LHB: variants seen among roughly 807,000 people sequenced by gnomAD.
LHB encodes luteinizing hormone subunit beta, also known as lutropin subunit beta.
LHB carries 11 observed loss-of-function variants against 10.6 expected under a neutral mutation model. The ratio of observed to expected loss-of-function variants is 1.04; its 90% confidence interval spans 0.66 to 1.72. The LOEUF (loss-of-function observed/expected upper bound fraction) is 1.72, where lower values mean the gene tolerates loss of function less well. LHB is among the 40% of genes most tolerant of loss of function. The pLI, the probability that LHB is intolerant of heterozygous loss-of-function variation, is 0.00. For missense variants in LHB, 184 were observed against 197.3 expected, an observed-to-expected ratio of 0.93 and a Z score of 0.41; for synonymous variants, 86 against 83.1, an observed-to-expected ratio of 1.03 and a Z score of -0.19.
chr19:49,018,187 G>C (rs938156258), upstream of LHB: 2 of 433,722 alleles, frequency 4.6e-6, no homozygotes, highest in Middle Eastern at 6.0e-4. Context: ...AGGTCACCGG[G>C]CTGACGCGCG....
upstream of LHB, chr19:49,019,358 A>C: frequency 8.2e-7 from 1 of 1,218,298 alleles, no homozygotes; most frequent in Non-Finnish European, 1.0e-6. Flanking sequence ...CAGCAACTCC[A>C]AGTTACCTCT....
At chr19:49,017,123 C>T (rs201927697), upstream of LHB, 22 of 1,613,872 alleles carry the variant, frequency 1.4e-5, no homozygotes, top group South Asian at 8.8e-5. Flanking sequence ...CTATATACCT[C>T]GGGGTTGTGG....
upstream of LHB, chr19:49,017,094 C>G (rs777577837): frequency 6.2e-7 from 1 of 1,613,952 alleles, no homozygotes; most frequent in Non-Finnish European, 8.5e-7. Flanking sequence ...TTGGTGCATC[C>G]CCTGCCTCGT....
upstream of LHB, chr19:49,017,225 G>C: frequency 7.0e-7 from 1 of 1,421,856 alleles, no homozygotes; most frequent in South Asian, 1.2e-5. Context: ...CCAGGGAGGC[G>C]CAGGAGTGGC....
At chr19:49,017,839 C>G, upstream of LHB, 1 of 398,514 alleles carries the variant, frequency 2.5e-6, no homozygotes, top group Non-Finnish European at 4.4e-6. Flanking sequence ...CCCGCCCCCA[C>G]GTTGCCAATA....
At chr19:49,016,971 G>A in intron 1 of LHB, 96 bp downstream of exon 1, 3 of 1,611,214 alleles carry the variant, frequency 1.9e-6, no homozygotes, top group Non-Finnish European at 2.5e-6. Flanking sequence ...CCTCCAGAAA[G>A]AGGCCTCCTT....
chr19:49,018,859 A>G (rs1164409743), upstream of LHB: 10 of 1,529,958 alleles, frequency 6.5e-6, no homozygotes, highest in Middle Eastern at 2.2e-4. Context: ...GTGCCGAGCG[A>G]GAGCCCGGCT....
chr19:49,018,303 T>A, upstream of LHB: 1 of 1,202,196 alleles, frequency 8.3e-7, no homozygotes, highest in African/African-American at 1.6e-5. Flanking sequence ...CTCCAGTAGG[T>A]CAGGGAGTCC....
chr19:49,018,854 G>C (rs2039596585), upstream of LHB: 1 of 1,526,742 alleles, frequency 6.5e-7, no homozygotes. Context: ...AGGCGGTGCC[G>C]AGCGAGAGCC....
At chr19:49,017,237 CAGCAG>C (rs1387790577), upstream of LHB, among the ~76,000 whole-genome samples, 1 of 152,066 alleles carries the variant, frequency 6.6e-6, no homozygotes, top group Non-Finnish European at 1.5e-5. Context: ...AGGAGTGGCT[CAGCAG>C]AGCGCCCCAG....
chr19:49,017,033 AGGTGGAAGGT>A, intron 1 of LHB, 24 bp downstream of exon 1: 1 of 1,613,422 alleles, frequency 6.2e-7, no homozygotes, highest in Non-Finnish European at 8.5e-7. Context: ...GCCTGGAAGG[AGGTGGAAGGT>A]GCCCAGGGGC....
intron 2 of LHB, 24 bp downstream of exon 2, chr19:49,016,523 T>C (rs567442239): frequency 4.3e-5 from 67 of 1,542,422 alleles, no homozygotes; most frequent in Admixed American, 9.5e-5. Context: ...TGGCAGCATC[T>C]GCCCCTGGCC....
chr19:49,016,871 C>A, intron 1 of LHB, 157 bp from the exon 2 acceptor site: 1 of 1,574,810 alleles, frequency 6.3e-7, no homozygotes, highest in Non-Finnish European at 8.6e-7. Flanking sequence ...TCAGAGCCCA[C>A]CCCACAGCCC....
At chr19:49,018,742 G>T (rs116271072), upstream of LHB, 1,093 of 780,700 alleles carry the variant, frequency 1.4e-3, 8 homozygotes, top group African/African-American at 0.017. Context: ...CCTGAACTTT[G>T]GTTCTTGCTG....
upstream of LHB, chr19:49,019,194 C>T: frequency 2.8e-6 from 4 of 1,405,588 alleles, no homozygotes; most frequent in South Asian, 6.3e-5. Flanking sequence ...TTCTCATACC[C>T]GAACCCTTCC....
At chr19:49,019,095 C>T, upstream of LHB, 1 of 1,444,064 alleles carries the variant, frequency 6.9e-7, no homozygotes, top group Non-Finnish European at 9.1e-7. Flanking sequence ...TCTCCTTCGG[C>T]CTCGACAGCC....
chr19:49,019,014 G>C, upstream of LHB: 1 of 1,529,464 alleles, frequency 6.5e-7, no homozygotes, highest in Admixed American at 2.0e-5. Context: ...AGCAAGATTG[G>C]GGGAGGAGGC....
At position 49,016,173 on chromosome 19, in the gene LHB, G is replaced by C. The variant is rs1187747882; in HGVS notation, c.321C>G (p.Ser107Arg). 1 of 1,612,564 alleles carries C rather than the reference G, an allele frequency of 6.2e-7. No individual in the cohort carries two copies. The highest frequency in any genetic ancestry group is 8.5e-7 in the Non-Finnish European group (1 of 1,179,990). Residue 107 changes from serine to arginine, a missense_variant, in exon 3 of 3, where the codon AGC (serine) becomes AGG (arginine). By Grantham distance (110) the Ser-to-Arg change is moderately radical. Coordinates refer to ENST00000649238, the MANE Select transcript of LHB (RefSeq NM_000894.3). ...DPVVSFPVAL[S>R]CRCGPCRRST... is the part of the protein sequence containing the mutation. ...TGCGGCGGCAGGGTCCACAGCGACA[G>C]CTGAGAGCCACAGGGAAGGAGACCA...
chr19:49,017,834 C>T (rs2039584018), upstream of LHB: 5 of 398,584 alleles, frequency 1.3e-5, no homozygotes, highest in Non-Finnish European at 2.2e-5. Flanking sequence ...CTAGTCCCGC[C>T]CCCACGTTGC....
Sources: gnomAD v4.1 joint callset for allele counts (sites outside exome capture counted in the v4.1 genomes callset) on GRCh38, gnomAD v4.1.1 for gene constraint, MANE v1.5 for transcripts, NCBI Gene and HGNC (gene_info 2026-07-23, HGNC 2026-07-21) for gene names.